Variants in KLHL14 observed in about 807,000 individuals in gnomAD.
KLHL14 encodes the protein kelch like family member 14, also known as kelch-like protein 14.
Under a neutral mutation model 64.3 loss-of-function variants are expected in KLHL14, and 22 were observed. That is an observed-to-expected ratio of 0.34 (90% CI 0.24 to 0.49). KLHL14 has a LOEUF of 0.49. Among genes scored for constraint, KLHL14 ranks in the 20% least tolerant of loss-of-function variants. The probability of loss-of-function intolerance (pLI) is 0.99; values close to 1 mark genes in which losing one functional copy is unlikely to be tolerated. For missense variants in KLHL14, 661 were observed against 789.0 expected (o/e 0.84, Z 1.94); for synonymous variants, 322 against 333.4 (o/e 0.97, Z 0.37).
chr18:32,758,359 G>T (rs2050294125), intron 2 of KLHL14, among the ~76,000 whole-genome samples: 1 of 152,062 alleles, frequency 6.6e-6, no homozygotes, highest in African/African-American at 2.4e-5. Context: ...AGCCATTAGG[G>T]GAATGCAAAC....
intron 3 of KLHL14, among the ~76,000 whole-genome samples, chr18:32,717,421 C>T (rs886170099): frequency 6.6e-6 from 1 of 152,162 alleles, no homozygotes; most frequent in African/African-American, 2.4e-5. Flanking sequence ...TCAGAAAACA[C>T]CAAGGGCTAC....
At chr18:32,681,097 A>G (rs1426106190) in intron 5 of KLHL14, among the ~76,000 whole-genome samples, 1 of 152,146 alleles carries the variant, frequency 6.6e-6, no homozygotes, top group African/African-American at 2.4e-5. Context: ...CCTTAGTACT[A>G]CTACTGCAAA....
At chr18:32,742,906 G>A (rs1444927343) in intron 2 of KLHL14, 8 of 152,250 alleles carry the variant, frequency 5.3e-5, no homozygotes, top group African/African-American at 2.4e-5. Context: ...GCAATTCGCT[G>A]CTATTAACCG....
intron 5 of KLHL14, among the ~76,000 whole-genome samples, chr18:32,682,845 A>C (rs2049849340): frequency 6.6e-6 from 1 of 152,282 alleles, no homozygotes; most frequent in South Asian, 2.1e-4. Context: ...TCCAACACTG[A>C]CACTAAGGTA....
chr18:32,756,002 T>G (rs2050279666), intron 2 of KLHL14, among the ~76,000 whole-genome samples: 1 of 152,210 alleles, frequency 6.6e-6, no homozygotes, highest in African/African-American at 2.4e-5. Context: ...AATTTCCCTG[T>G]TTTCTAATTT....
intron 3 of KLHL14, among the ~76,000 whole-genome samples, chr18:32,730,537 T>C (rs1161088724): frequency 8.5e-5 from 13 of 152,244 alleles, no homozygotes; most frequent in Non-Finnish European, 1.6e-4. Flanking sequence ...TATTTTTGTC[T>C]GGTTTATACC....
chr18:32,758,082 ATC>A (rs552965449), intron 2 of KLHL14, among the ~76,000 whole-genome samples: 7 of 150,924 alleles, frequency 4.6e-5, no homozygotes, highest in Admixed American at 1.3e-4. Context: ...TTGAATAGAC[ATC>A]TCTCTCTCTC....
intron 3 of KLHL14, among the ~76,000 whole-genome samples, chr18:32,730,126 C>T (rs1320498043): frequency 6.6e-6 from 1 of 152,164 alleles, no homozygotes; most frequent in Non-Finnish European, 1.5e-5. Context: ...TCAGTACAGC[C>T]AGAAACTGGC....
At chr18:32,729,731 A>G (rs2050127439) in intron 3 of KLHL14, among the ~76,000 whole-genome samples, 2 of 152,238 alleles carry the variant, frequency 1.3e-5, no homozygotes, top group Non-Finnish European at 2.9e-5. Context: ...CTAATCCAAT[A>G]TGATTCATCT....
intron 3 of KLHL14, among the ~76,000 whole-genome samples, chr18:32,699,572 A>C (rs1356569382): frequency 6.6e-6 from 1 of 152,100 alleles, no homozygotes; most frequent in Non-Finnish European, 1.5e-5. Context: ...GCAGAGATAG[A>C]ATCCAAACAT....
In KLHL14 at chr18:32,674,765, A is replaced by G. The variant is rs1335500856; in HGVS notation, c.1779T>C (p.Cys593=). Residue 593 remains cysteine, a synonymous_variant, in exon 9 of 9, where the codon TGT becomes TGC. Coordinates refer to ENST00000359358, the MANE Select transcript of KLHL14 (RefSeq NM_020805.3). ...GTTCTGTCCAGGTTCCTTTCTCTGG[A>G]CAATAGCATATTGTAGATGACTTGT... ...GAYKSSTICY[C]PEKGTWTELE... 5.1e-6 allele frequency: 4 copies of G among 780,790 alleles called. No homozygotes were observed. Among genetic ancestry groups the G allele is most frequent in the Non-Finnish European group, 9.6e-6 (4 of 418,054 alleles). 48.4% of individuals were successfully genotyped at this position (780,790 alleles called of 1,614,324 possible).
At chr18:32,699,883 C>T (rs923351847) in intron 3 of KLHL14, among the ~76,000 whole-genome samples, 4 of 151,348 alleles carry the variant, frequency 2.6e-5, no homozygotes, top group African/African-American at 9.7e-5. Context: ...AGAAAAAACA[C>T]TGAGAAAATC....
At position 32,680,623 on chromosome 18, in the gene KLHL14, A is replaced by T. The variant is rs1457273001; in HGVS notation, c.1239-24T>A. The stretch of plus-strand genomic sequence containing the variant: ...TTCTACAATGAAAAGAACCCACAGT[A>T]AATCACAAGAGGAGCTGTGAAATGT... On this transcript the variant is annotated intron_variant, in intron 5 of 8. Transcript: ENST00000359358. The surrounding 1 kb of genome is among the most constrained non-coding windows in gnomAD (Gnocchi z 4.8). The T allele has an allele frequency of 6.3e-7, 1 of 1,577,438 alleles. No individual in the cohort carries two copies. Among genetic ancestry groups the T allele is most frequent in the Non-Finnish European group, 8.6e-7 (1 of 1,161,574 alleles).
rs2049854757 is a variant in KLHL14, at chr18:32,683,611, T to C, written c.1239-3012A>G. Among the ~76,000 whole-genome samples the C allele has an allele frequency of 6.6e-6, 1 of 152,210 alleles. No homozygotes were observed. The highest frequency in any genetic ancestry group is 1.5e-5 in the Non-Finnish European group (1 of 68,028). Reference sequence around the variant, plus strand: ...GGATTACACTGTTTCTGTTTCAAATTGTTCATCTCTCCCTCCTTCAGCCTC... The same window carrying C: ...GGATTACACTGTTTCTGTTTCAAATCGTTCATCTCTCCCTCCTTCAGCCTC... On this transcript the variant is annotated intron_variant, in intron 5 of 8. Transcript: ENST00000359358. The surrounding 1 kb of genome is among the most constrained non-coding windows in gnomAD (Gnocchi z 4.2).
intron 2 of KLHL14, among the ~76,000 whole-genome samples, chr18:32,761,149 A>G (rs2050311718): frequency 6.6e-6 from 1 of 152,192 alleles, no homozygotes; most frequent in Non-Finnish European, 1.5e-5. Flanking sequence ...TTAGAACTAT[A>G]ATTATTAACC....
chr18:32,734,361 T>C, intron 3 of KLHL14: 1 of 654,742 alleles, frequency 1.5e-6, no homozygotes. Flanking sequence ...CCCACATGCC[T>C]GGATCCCTGA....
intron 3 of KLHL14, among the ~76,000 whole-genome samples, chr18:32,730,452 C>A (rs1392789479): frequency 6.6e-6 from 1 of 152,180 alleles, no homozygotes; most frequent in Non-Finnish European, 1.5e-5. Context: ...TCCAGTCAGA[C>A]CAGTTTCCTG....
At chr18:32,686,724 A>G (rs1193866549) in intron 5 of KLHL14, among the ~76,000 whole-genome samples, 1 of 152,148 alleles carries the variant, frequency 6.6e-6, no homozygotes, top group African/African-American at 2.4e-5. Context: ...TTAAATATTG[A>G]ATTTTAATAT....
At chr18:32,763,075 A>G (rs2050322683) in intron 2 of KLHL14, among the ~76,000 whole-genome samples, 1 of 151,674 alleles carries the variant, frequency 6.6e-6, no homozygotes, top group Non-Finnish European at 1.5e-5. Flanking sequence ...AAATCCAGGG[A>G]AACCAACTTT....
Sources: gnomAD v4.1 joint callset for allele counts (sites outside exome capture counted in the v4.1 genomes callset) on GRCh38, gnomAD v4.1.1 for gene constraint, Gnocchi (gnomAD v3.1) non-coding constraint, MANE v1.5 for transcripts, NCBI Gene and HGNC (gene_info 2026-07-23, HGNC 2026-07-21) for gene names.